KIAA0513: variants seen among roughly 807,000 people sequenced by gnomAD.
The protein encoded by KIAA0513 is KIAA0513, also known as uncharacterized protein KIAA0513.
Under a neutral mutation model 56.5 loss-of-function variants are expected in KIAA0513, and 39 were observed. The observed-to-expected ratio is 0.69, with a 90% confidence interval of 0.53 to 0.90. The LOEUF (loss-of-function observed/expected upper bound fraction) is 0.90, where lower values mean the gene tolerates loss of function less well. Ranked by LOEUF, KIAA0513 falls within the 40% of genes least tolerant of loss-of-function variation. The pLI is 0.00. For missense variants in KIAA0513, 591 were observed against 535.2 expected (o/e 1.10, Z -1.03); for synonymous variants, 268 against 215.6 (o/e 1.24, Z -2.13).
chr16:85,043,811 T>TC (rs1416120423), intron 1 of KIAA0513, among the ~76,000 whole-genome samples: 1 of 152,130 alleles, frequency 6.6e-6, no homozygotes, highest in African/African-American at 2.4e-5. Flanking sequence ...AGCGGGCGGA[T>TC]CACCTGAGGT....
chr16:85,051,896 C>T (rs2073257790), intron 1 of KIAA0513, among the ~76,000 whole-genome samples: 1 of 151,884 alleles, frequency 6.6e-6, no homozygotes. Flanking sequence ...TCAAGTGACC[C>T]TCCAGCCTCA....
chr16:85,086,439 T>C (rs915650807), intron 10 of KIAA0513, among the ~76,000 whole-genome samples: 12 of 152,250 alleles, frequency 7.9e-5, no homozygotes, highest in African/African-American at 1.9e-4. Context: ...GAGATGAATG[T>C]TGGGGACCCC....
intron 1 of KIAA0513, among the ~76,000 whole-genome samples, chr16:85,050,593 G>A (rs1042614338): frequency 3.3e-5 from 5 of 152,150 alleles, no homozygotes; most frequent in Admixed American, 2.0e-4. Context: ...TAGGATTACA[G>A]GCGTGAGCCG....
chr16:85,081,453 T>A lies in KIAA0513; in HGVS notation c.980+61T>A. 2 of 1,431,714 alleles carry A rather than the reference T, an allele frequency of 1.4e-6. No individual in the cohort carries two copies. Among genetic ancestry groups the A allele is most frequent in the South Asian group, 2.5e-5 (2 of 81,618 alleles). 88.7% of individuals were successfully genotyped at this position (1,431,714 alleles called of 1,614,324 possible). ...AAAAGGACCAGGGAGTGGCTTTATTTCCCGGTTTCGGAAGAGGAGAGCAGA... is the reference window on the plus strand; with the variant it reads ...AAAAGGACCAGGGAGTGGCTTTATTACCCGGTTTCGGAAGAGGAGAGCAGA... On this transcript the variant is annotated intron_variant, in intron 9 of 12. Coordinates refer to ENST00000683363, the MANE Select transcript of KIAA0513 (RefSeq NM_001388359.1). The surrounding 1 kb of genome is among the most constrained non-coding windows in gnomAD (Gnocchi z 4.4).
chr16:85,080,100 G>A (rs1249982333), intron 8 of KIAA0513, among the ~76,000 whole-genome samples: 1 of 152,122 alleles, frequency 6.6e-6, no homozygotes, highest in African/African-American at 2.4e-5. Context: ...CCGGGACCCA[G>A]AGGGCAGAGG....
rs1404706294 is a variant in KIAA0513 at position 85,078,915 on chromosome 16, C to T, written c.824-10C>T. On this transcript the variant is annotated splice_polypyrimidine_tract_variant and intron_variant, in intron 7 of 12. Coordinates refer to ENST00000683363, the MANE Select transcript of KIAA0513 (RefSeq NM_001388359.1). The stretch of plus-strand genomic sequence containing the variant: ...AGAGCTGCTTTCAGCCATTCTCTCT[C>T]CTCCCACAGTGACCGCGTACAGCCC... 6.2e-7 allele frequency: 1 copy of T among 1,614,122 alleles called. No individual in the cohort carries two copies. Among genetic ancestry groups the T allele is most frequent in the African/African-American group, 1.3e-5 (1 of 75,022 alleles).
intron 2 of KIAA0513, among the ~76,000 whole-genome samples, chr16:85,071,313 T>A (rs11149708): frequency 6.6e-6 from 1 of 152,140 alleles, no homozygotes; most frequent in Non-Finnish European, 1.5e-5. Context: ...CTTCTTGGCC[T>A]CAGACCTTGG....
intron 1 of KIAA0513, among the ~76,000 whole-genome samples, chr16:85,040,703 A>T (rs1025364665): frequency 6.6e-6 from 1 of 152,134 alleles, no homozygotes; most frequent in Non-Finnish European, 1.5e-5. Flanking sequence ...CCAAGCTATC[A>T]TTGCTTTTCC....
Position 85,092,596 on chromosome 16 carries a change from C to T in KIAA0513, c.*4271C>T, listed in dbSNP as rs373718057. ...GTCGTTCTCACTCCTTTTCCTGTCC[C>T]GTTTCCAGTCCCACTGAGCCATTCA... On this transcript the variant is annotated 3_prime_UTR_variant, in exon 13 of 13. Transcript: ENST00000683363. The T allele has an allele frequency of 1.1e-4, 16 of 152,342 alleles. No individual in the cohort carries two copies. Among genetic ancestry groups the T allele is most frequent in the African/African-American group, 2.6e-4 (11 of 41,582 alleles). The allele number at this position is 152,342 out of a possible 1,614,324, so 9.4% of individuals were successfully genotyped here.
rs371149715 is a variant in KIAA0513 at position 85,049,978 on chromosome 16, T to G, written c.-172-16922T>G. 1.8e-3 allele frequency among the ~76,000 whole-genome samples: 270 copies of G among 152,326 alleles called. 2 individuals are homozygous for G. The highest frequency in any genetic ancestry group is 6.2e-3 in the African/African-American group (258 of 41,558). ...CAAGTCGGTCTCTGTCCGAGTTGAA[T>G]TCAGCTGTCCCGGAGTCAGCCGCTG... On this transcript the variant is annotated intron_variant, in intron 1 of 12. Coordinates refer to ENST00000683363, the MANE Select transcript of KIAA0513 (RefSeq NM_001388359.1).
intron 1 of KIAA0513, among the ~76,000 whole-genome samples, chr16:85,037,896 C>T (rs774673638): frequency 1.0e-3 from 153 of 152,202 alleles, no homozygotes; most frequent in African/African-American, 1.9e-3. Flanking sequence ...AGAGGGGCCC[C>T]GTGAGGCTGC....
At chr16:85,086,797 C>T (rs919757571) in intron 11 of KIAA0513, 73 bp downstream of exon 11, 2 of 1,346,304 alleles carry the variant, frequency 1.5e-6, no homozygotes, top group Non-Finnish European at 1.0e-6. Context: ...CACCTGGTAT[C>T]ACACCCTGGG....
intron 1 of KIAA0513, among the ~76,000 whole-genome samples, chr16:85,031,057 A>T (rs2072957603): frequency 6.6e-6 from 1 of 152,244 alleles, no homozygotes; most frequent in African/African-American, 2.4e-5. Context: ...TAAGCATATT[A>T]ATTGGAAACC....
chr16:85,034,558 G>A (rs1167621206), intron 1 of KIAA0513, among the ~76,000 whole-genome samples: 1 of 152,106 alleles, frequency 6.6e-6, no homozygotes, highest in Admixed American at 6.5e-5. Context: ...GACTTCACTC[G>A]GTAGGGTTTG....
intron 11 of KIAA0513, 91 bp from the exon 12 acceptor site, chr16:85,086,981 C>A: frequency 2.4e-6 from 3 of 1,234,058 alleles, no homozygotes; most frequent in South Asian, 1.3e-5. Context: ...TCCAGGCAGG[C>A]CATGGTGGGC....
chr16:85,069,608 C>A (rs984925431), intron 2 of KIAA0513, among the ~76,000 whole-genome samples: 18 of 151,900 alleles, frequency 1.2e-4, no homozygotes, highest in Admixed American at 4.6e-4. Context: ...ACACACACCC[C>A]GGAGCCATGG....
chr16:85,062,744 G>C (rs946098115), intron 1 of KIAA0513, among the ~76,000 whole-genome samples: 1 of 152,192 alleles, frequency 6.6e-6, no homozygotes, highest in Non-Finnish European at 1.5e-5. Context: ...TGATACTCCT[G>C]GGTCTACATT....
intron 1 of KIAA0513, among the ~76,000 whole-genome samples, chr16:85,042,170 T>A (rs967712619): frequency 6.6e-6 from 1 of 152,246 alleles, no homozygotes; most frequent in Non-Finnish European, 1.5e-5. Context: ...AGCGAGTAAC[T>A]TTTGCGAAAG....
intron 12 of KIAA0513, among the ~76,000 whole-genome samples, chr16:85,088,028 G>A (rs2073829381): frequency 6.6e-6 from 1 of 152,262 alleles, no homozygotes; most frequent in Non-Finnish European, 1.5e-5. Context: ...TTTGAGGGCT[G>A]CTTCCAGCCA....
Sources: gnomAD v4.1 joint callset for allele counts (sites outside exome capture counted in the v4.1 genomes callset) on GRCh38, gnomAD v4.1.1 for gene constraint, Gnocchi (gnomAD v3.1) non-coding constraint, MANE v1.5 for transcripts, NCBI Gene and HGNC (gene_info 2026-07-23, HGNC 2026-07-21) for gene names.